The following CSGALNACT1 variants were observed in gnomAD, a reference collection of about 807,000 sequenced individuals.
CSGALNACT1 encodes chondroitin sulfate N-acetylgalactosaminyltransferase 1.
In CSGALNACT1, 52 loss-of-function variants were observed where a neutral mutation model predicts 51.0. The observed-to-expected ratio is 1.02, with a 90% confidence interval of 0.82 to 1.29. The LOEUF (loss-of-function observed/expected upper bound fraction) is 1.29. CSGALNACT1 is among the 50% of genes most tolerant of loss of function. The pLI is 0.00. For synonymous variants in CSGALNACT1, 341 were observed against 254.4 expected, an observed-to-expected ratio of 1.34 and a Z score of -3.24; for missense variants, 935 against 679.2, an observed-to-expected ratio of 1.38 and a Z score of -4.19.
rs532409292 is a variant in CSGALNACT1, at chr8:19,575,028, C to T, written c.-297+16132G>A. 9.3e-5 allele frequency among the ~76,000 whole-genome samples: 14 copies of T among 150,464 alleles called. 1 individual carries two copies. The highest frequency in any genetic ancestry group is 2.7e-4 in the African/African-American group (11 of 40,830). ...CCAGCCTGACAACAGAGCGAGACTCCGTCTCAAAAAAAAAAAAAATTCCTC... is the reference window on the plus strand; with the variant it reads ...CCAGCCTGACAACAGAGCGAGACTCTGTCTCAAAAAAAAAAAAAATTCCTC... On this transcript the variant is annotated intron_variant, in intron 3 of 9. Coordinates refer to ENST00000454498, the Ensembl canonical transcript of CSGALNACT1.
intron 5 of CSGALNACT1, among the ~76,000 whole-genome samples, chr8:19,440,271 C>A (rs1351542561): frequency 6.6e-6 from 1 of 152,146 alleles, no homozygotes; most frequent in Non-Finnish European, 1.5e-5. Flanking sequence ...CATAAAAAGA[C>A]TATTTTAGAC....
rs764723070 is a variant in CSGALNACT1, at chr8:19,505,786, C to T, written c.49G>A (p.Val17Ile). ...GCACAGCAGAGGAGCACCAGCAAAA[C>T]CACCACCCGGGAAATCCACGCAAGC... The change falls in exon 4 of 10, where the codon GTT becomes ATT. Residue 17 changes from valine (V) to isoleucine (I), a missense_variant. Physicochemically the swap from Val to Ile is conservative, Grantham distance 29 (BLOSUM62 3). Coordinates refer to ENST00000454498, the Ensembl canonical transcript of CSGALNACT1. 3.1e-6 allele frequency: 5 copies of T among 1,613,892 alleles called. No individual in the cohort carries two copies. The Admixed American group carries it at 8.3e-5, about 27-fold the overall frequency.
At chr8:19,716,612 CAAAAAAAAAAAA>C (rs60464594) in intron 1 of CSGALNACT1, among the ~76,000 whole-genome samples, 21 of 41,992 alleles carry the variant, frequency 5.0e-4, no homozygotes, top group Admixed American at 2.1e-3. Context: ...ACCCTCTCTA[CAAAAAAAAAAAA>C]AAAAAAAAAA....
At chr8:19,731,799 T>C (rs1221615853) in intron 1 of CSGALNACT1, among the ~76,000 whole-genome samples, 4 of 152,214 alleles carry the variant, frequency 2.6e-5, no homozygotes, top group African/African-American at 9.6e-5. Context: ...AAACAGCAGA[T>C]ACTTACTTGC....
chr8:19,630,177 T>A (rs2055023938), intron 1 of CSGALNACT1, among the ~76,000 whole-genome samples: 1 of 149,296 alleles, frequency 6.7e-6, no homozygotes, highest in East Asian at 2.0e-4. Flanking sequence ...AGATTAGCCA[T>A]CCAAGTTCCC....
At chr8:19,505,693 C>T in exon 4 of CSGALNACT1, 2 of 1,614,172 alleles carry the variant, frequency 1.2e-6, no homozygotes, top group Non-Finnish European at 1.7e-6. Flanking sequence ...GGGCTGTTGG[C>T]CCTGGGCAGT....
intron 1 of CSGALNACT1, among the ~76,000 whole-genome samples, chr8:19,644,258 G>A (rs1414006215): frequency 6.6e-6 from 1 of 151,866 alleles, no homozygotes; most frequent in African/African-American, 2.4e-5. Context: ...GTTACTAGTA[G>A]GTAAAATTAT....
At chr8:19,494,689 T>G (rs1417743274) in intron 4 of CSGALNACT1, among the ~76,000 whole-genome samples, 1 of 152,182 alleles carries the variant, frequency 6.6e-6, no homozygotes, top group Non-Finnish European at 1.5e-5. Flanking sequence ...GCACTTAACC[T>G]GAGTACCTCC....
intron 3 of CSGALNACT1, among the ~76,000 whole-genome samples, chr8:19,548,884 T>G (rs934432366): frequency 6.6e-6 from 1 of 152,182 alleles, no homozygotes; most frequent in Non-Finnish European, 1.5e-5. Context: ...AGTGGTGCAG[T>G]CACAGCTCAC....
chr8:19,445,011 T>A (rs899943977), intron 5 of CSGALNACT1, among the ~76,000 whole-genome samples: 1 of 152,186 alleles, frequency 6.6e-6, no homozygotes, highest in African/African-American at 2.4e-5. Context: ...GAATTCTGTC[T>A]CTTTCTGGTG....
intron 2 of CSGALNACT1, among the ~76,000 whole-genome samples, chr8:19,601,536 A>C (rs978830752): frequency 1.8e-4 from 27 of 152,226 alleles, no homozygotes; most frequent in Admixed American, 1.8e-3. Flanking sequence ...AAAAGTTGGG[A>C]AAGTTAGATG....
intron 4 of CSGALNACT1, among the ~76,000 whole-genome samples, chr8:19,502,240 T>C (rs992247125): frequency 1.3e-5 from 2 of 152,190 alleles, no homozygotes; most frequent in Admixed American, 1.3e-4. Flanking sequence ...GATGGTTGCT[T>C]GGCAAAGCTA....
intron 1 of CSGALNACT1, among the ~76,000 whole-genome samples, chr8:19,644,520 G>A (rs540871257): frequency 2.9e-4 from 44 of 150,980 alleles, no homozygotes; most frequent in Non-Finnish European, 4.7e-4. Context: ...GACCAGCCTG[G>A]CCAACATGGT....
upstream of CSGALNACT1, among the ~76,000 whole-genome samples, chr8:19,684,097 C>T (rs949952004): frequency 2.6e-5 from 4 of 151,904 alleles, no homozygotes; most frequent in Admixed American, 1.3e-4. Context: ...GCCTGGGAGG[C>T]GGAGATTGCA....
intron 6 of CSGALNACT1, among the ~76,000 whole-genome samples, chr8:19,431,992 CAA>C (rs953284220): frequency 4.6e-5 from 7 of 151,010 alleles, no homozygotes; most frequent in Non-Finnish European, 8.9e-5. Flanking sequence ...TAAATCAGCA[CAA>C]AAAAAAGAGT....
rs566152974 is a variant in CSGALNACT1, at chr8:19,617,198, C to T, written c.-543-15333G>A. Among the ~76,000 whole-genome samples the T allele has an allele frequency of 2.6e-4, 39 of 152,166 alleles. 1 individual carries two copies. Among genetic ancestry groups the T allele is most frequent in the African/African-American group, 4.3e-4 (18 of 41,502 alleles). ...TAACACTTCTATGAGAATCTAATGTCGCCAATTATCTGACAGGAGGCAGAG... is the reference window on the plus strand; with the variant it reads ...TAACACTTCTATGAGAATCTAATGTTGCCAATTATCTGACAGGAGGCAGAG... On this transcript the variant is annotated intron_variant, in intron 1 of 9. Coordinates refer to the CSGALNACT1 transcript ENST00000332246.
intron 5 of CSGALNACT1, among the ~76,000 whole-genome samples, chr8:19,455,615 G>C (rs887584863): frequency 6.6e-6 from 1 of 152,078 alleles, no homozygotes; most frequent in Non-Finnish European, 1.5e-5. Context: ...TCTTTAATAA[G>C]GTTTTATGAA....
chr8:19,412,537 T>A (rs1220653682), intron 8 of CSGALNACT1, among the ~76,000 whole-genome samples: 1 of 152,160 alleles, frequency 6.6e-6, no homozygotes, highest in African/African-American at 2.4e-5. Context: ...GCAGAGCGCC[T>A]CCTTTCAATC....
chr8:19,448,852 T>A (rs543214549), intron 5 of CSGALNACT1, among the ~76,000 whole-genome samples: 15 of 152,318 alleles, frequency 9.8e-5, no homozygotes, highest in African/African-American at 3.6e-4. Flanking sequence ...GACCTGATGT[T>A]CCCAAACTCT....
Sources: allele counts gnomAD v4.1 joint callset (sites outside exome capture counted in the v4.1 genomes callset), GRCh38; gene constraint gnomAD v4.1.1; transcripts MANE v1.5; gene names NCBI Gene and HGNC (gene_info 2026-07-23, HGNC 2026-07-21).